Variants in KANK1 observed in about 807,000 individuals in gnomAD.
The protein encoded by KANK1 is KN motif and ankyrin repeat domain-containing protein 1.
Under a neutral mutation model 106.2 loss-of-function variants are expected in KANK1, and 109 were observed. The ratio of observed to expected loss-of-function variants is 1.03; its 90% CI spans 0.88 to 1.20. The LOEUF (loss-of-function observed/expected upper bound fraction) is 1.20, where lower values mean the gene tolerates loss of function less well. Ranked by LOEUF, KANK1 falls within the 50% of genes most tolerant of loss-of-function variation. The pLI is 0.00. For missense variants in KANK1, 2,399 were observed against 1,710.7 expected (o/e 1.40, Z -7.10); for synonymous variants, 873 against 652.2 (o/e 1.34, Z -5.16).
intron 1 of KANK1, among the ~76,000 whole-genome samples, chr9:616,844 T>C (rs7020706): frequency 0.06 from 9,085 of 152,270 alleles, 309 homozygotes; most frequent in African/African-American, 0.094. Context: ...AGTTCCACAC[T>C]AGCCCTTAAA....
intron 1 of KANK1, among the ~76,000 whole-genome samples, chr9:565,628 A>G (rs751577025): frequency 6.6e-6 from 1 of 152,184 alleles, no homozygotes; most frequent in African/African-American, 2.4e-5. Context: ...TGTGGAAAAC[A>G]GCCCTCATTT....
chr9:641,104 A>G (rs574115231), intron 1 of KANK1, among the ~76,000 whole-genome samples: 11 of 152,194 alleles, frequency 7.2e-5, no homozygotes, highest in Admixed American at 5.2e-4. Context: ...GCCCAAACCA[A>G]TTTTCCATTT....
chr9:486,914 C>T (rs1280142464), intron 3 of KANK1, among the ~76,000 whole-genome samples: 1 of 152,100 alleles, frequency 6.6e-6, no homozygotes, highest in Non-Finnish European at 1.5e-5. Context: ...ATTTTTATGT[C>T]TTCTTGCAGT....
At chr9:509,968 T>C (rs916075518) in intron 1 of KANK1, among the ~76,000 whole-genome samples, 2 of 143,918 alleles carry the variant, frequency 1.4e-5, no homozygotes, top group Non-Finnish European at 3.0e-5. Context: ...ACTCAGCTAA[T>C]TTTTCCTTTT....
chr9:542,006 G>A (rs908592411), intron 1 of KANK1, among the ~76,000 whole-genome samples: 7 of 151,358 alleles, frequency 4.6e-5, no homozygotes, highest in Admixed American at 1.3e-4. Context: ...GGAGAATGGC[G>A]TGAACCCGGG....
rs141878336 is a variant in KANK1 at position 481,542 on chromosome 9, C to G, written c.-362+8269C>G. The stretch of plus-strand genomic sequence containing the variant: ...AAGTATTGAATGTGGTCTCCATCCT[C>G]AGAAAACTCAAAACTACTTTAAAAT... On this transcript the variant is annotated intron_variant, in intron 3 of 15. Transcript: ENST00000382303. 1.6e-4 allele frequency among the ~76,000 whole-genome samples: 24 copies of G among 152,292 alleles called. 1 individual carries two copies. Among genetic ancestry groups the G allele is most frequent in the Admixed American group, 4.6e-4 (7 of 15,294 alleles).
intron 2 of KANK1, among the ~76,000 whole-genome samples, chr9:677,312 T>G (rs552701451): frequency 5.9e-4 from 90 of 152,332 alleles, no homozygotes; most frequent in African/African-American, 2.1e-3. Flanking sequence ...CCTCTTGCAC[T>G]TCTTTCTGAG....
chr9:471,174 C>G (rs1036978277), intron 2 of KANK1, among the ~76,000 whole-genome samples: 5 of 152,214 alleles, frequency 3.3e-5, no homozygotes, highest in Non-Finnish European at 5.9e-5. Flanking sequence ...ATCATCTCTT[C>G]CATCTGATGG....
intron 5 of KANK1, 83 bp downstream of exon 5, chr9:731,349 C>G: frequency 2.6e-6 from 2 of 761,110 alleles, no homozygotes; most frequent in Non-Finnish European, 4.4e-6. Context: ...GGCGCCTAGT[C>G]GGGGAAGCGG....
chr9:520,712 C>G (rs1167736587), intron 1 of KANK1, among the ~76,000 whole-genome samples: 1 of 151,708 alleles, frequency 6.6e-6, no homozygotes, highest in East Asian at 1.9e-4. Context: ...AGAAATCTGC[C>G]TAGATATGGA....
intron 3 of KANK1, among the ~76,000 whole-genome samples, chr9:722,423 G>A (rs12684491): frequency 1.3e-5 from 2 of 151,760 alleles, no homozygotes; most frequent in Non-Finnish European, 2.9e-5. Flanking sequence ...TCTCACCCTC[G>A]ATTCAGGTGA....
Position 577,847 on chromosome 9 carries a change from T to G in KANK1, c.-84+73093T>G, listed in dbSNP as rs569353072. 3.3e-5 allele frequency among the ~76,000 whole-genome samples: 5 copies of G among 152,344 alleles called. No individual in the cohort carries two copies. In the South Asian group the frequency reaches 1.0e-3, roughly 32 times the overall value. Reference sequence around the variant, plus strand: ...AGTAGGATTTTAAAATTGTACTTTTTATTATAATTTTCTGGGAAAGTAAAG... The same window carrying G: ...AGTAGGATTTTAAAATTGTACTTTTGATTATAATTTTCTGGGAAAGTAAAG... On this transcript the variant is annotated intron_variant, in intron 1 of 11. Coordinates refer to ENST00000382297, the MANE Select transcript of KANK1 (RefSeq NM_015158.5).
chr9:604,356 A>T lies in KANK1; in HGVS notation c.-83-72534A>T, dbSNP rs149825636. ...CGTGTTGAGGGAGGGACCTGATGGG[A>T]GGTGATTGGATCATGAGGATGGTTT... On this transcript the variant is annotated intron_variant, in intron 1 of 11. Coordinates refer to ENST00000382297, the MANE Select transcript of KANK1 (RefSeq NM_015158.5). Among the ~76,000 whole-genome samples, 1,006 of 151,504 alleles carry T rather than the reference A, an allele frequency of 6.6e-3. 17 individuals carry two copies. The highest frequency in any genetic ancestry group is 0.01 in the Middle Eastern group (3 of 294).
At chr9:677,305 C>T (rs1450853343) in intron 2 of KANK1, among the ~76,000 whole-genome samples, 2 of 152,196 alleles carry the variant, frequency 1.3e-5, no homozygotes, top group African/African-American at 4.8e-5. Flanking sequence ...GTATACTCCT[C>T]TTGCACTTCT....
At chr9:559,184 A>G (rs751702205) in intron 1 of KANK1, among the ~76,000 whole-genome samples, 5 of 152,080 alleles carry the variant, frequency 3.3e-5, no homozygotes, top group Non-Finnish European at 5.9e-5. Flanking sequence ...TGAGTTGTCT[A>G]GTCTGTTCTT....
At chr9:643,742 G>C (rs1454458340) in intron 1 of KANK1, among the ~76,000 whole-genome samples, 1 of 149,896 alleles carries the variant, frequency 6.7e-6, no homozygotes, top group South Asian at 2.1e-4. Context: ...TCGCTCTGTT[G>C]CCCAGGCTGG....
At chr9:545,911 A>G (rs896223463) in intron 1 of KANK1, among the ~76,000 whole-genome samples, 1 of 151,672 alleles carries the variant, frequency 6.6e-6, no homozygotes, top group African/African-American at 2.4e-5. Flanking sequence ...ATGCCCGGCT[A>G]ATTTTTTTGT....
intron 1 of KANK1, among the ~76,000 whole-genome samples, chr9:610,369 A>G (rs755744237): frequency 2.0e-5 from 3 of 150,090 alleles, no homozygotes; most frequent in Admixed American, 6.6e-5. Flanking sequence ...CAAATGTTAT[A>G]TATAATGAGA....
intron 1 of KANK1, among the ~76,000 whole-genome samples, chr9:574,802 C>G (rs1398815941): frequency 6.6e-6 from 1 of 150,532 alleles, no homozygotes; most frequent in East Asian, 1.9e-4. Flanking sequence ...TTGCAGTGAG[C>G]CGAGATTGCA....
Sources: allele counts gnomAD v4.1 joint callset (sites outside exome capture counted in the v4.1 genomes callset), GRCh38; gene constraint gnomAD v4.1.1; transcripts MANE v1.5; gene names NCBI Gene and HGNC (gene_info 2026-07-23, HGNC 2026-07-21).